GGTA1: variants seen among roughly 807,000 people sequenced by gnomAD.
GGTA1 encodes the protein glycoprotein alpha-galactosyltransferase 1 (inactive).
A neutral mutation model predicts 2.6 loss-of-function variants in GGTA1; 5 were observed. The observed-to-expected ratio is 1.92, with a 90% CI of 1.00 to 4.04. GGTA1 has a LOEUF of 4.04. GGTA1 is among the 30% of genes most tolerant of loss of function. GGTA1 has a pLI of 0.00. For synonymous variants in GGTA1, 17 were observed against 5.0 expected, an observed-to-expected ratio of 3.38 and a Z score of -3.19; for missense variants, 50 against 16.7, an observed-to-expected ratio of 2.99 and a Z score of -3.47.
chr9:121,475,798 G>C (rs545395861), intron 1 of GGTA1, among the ~76,000 whole-genome samples: 15 of 152,222 alleles, frequency 9.9e-5, no homozygotes, highest in African/African-American at 3.6e-4. Context: ...TAATTAACTG[G>C]GTATTACTGA....
At chr9:121,464,620 A>G (rs1426956185) in intron 2 of GGTA1, among the ~76,000 whole-genome samples, 1 of 59,388 alleles carries the variant, frequency 1.7e-5, no homozygotes, top group Admixed American at 1.4e-4. Context: ...AACAAAAACA[A>G]AAACAAAAAC....
At chr9:121,481,651 C>T (rs1024473259) in intron 1 of GGTA1, among the ~76,000 whole-genome samples, 11 of 134,346 alleles carry the variant, frequency 8.2e-5, no homozygotes, top group African/African-American at 3.1e-4. Context: ...CACTGCTCTC[C>T]AGCCTGGAGA....
chr9:121,452,598 A>T (rs953975410), downstream of GGTA1, among the ~76,000 whole-genome samples: 1 of 151,416 alleles, frequency 6.6e-6, no homozygotes, highest in East Asian at 1.9e-4. Context: ...GGCTCACTGT[A>T]GTCTCTGCCT....
intron 1 of GGTA1, among the ~76,000 whole-genome samples, chr9:121,487,564 G>C (rs1251253544): frequency 9.7e-6 from 1 of 103,254 alleles, no homozygotes; most frequent in African/African-American, 4.0e-5. Flanking sequence ...GACAGAGTGA[G>C]ACTCTGTCTC....
intron 1 of GGTA1, among the ~76,000 whole-genome samples, chr9:121,473,095 G>A (rs540538657): frequency 3.9e-5 from 6 of 151,996 alleles, no homozygotes; most frequent in East Asian, 1.9e-4. Flanking sequence ...TGAGGTGGGC[G>A]GATCACTTGA....
chr9:121,464,988 CAA>C (rs1325681219), intron 2 of GGTA1, among the ~76,000 whole-genome samples: 10 of 121,852 alleles, frequency 8.2e-5, no homozygotes, highest in African/African-American at 3.0e-4. Flanking sequence ...CGTAAAGTGG[CAA>C]AAAAACAAAA....
chr9:121,457,363 C>T (rs747505327), intron 5 of GGTA1, among the ~76,000 whole-genome samples: 4 of 152,152 alleles, frequency 2.6e-5, no homozygotes, highest in Admixed American at 6.5e-5. Context: ...TCTAATCTCA[C>T]TAATGGTACC....
At chr9:121,497,412 G>A (rs1044685406) in intron 1 of GGTA1, among the ~76,000 whole-genome samples, 3 of 152,106 alleles carry the variant, frequency 2.0e-5, no homozygotes, top group Admixed American at 6.5e-5. Context: ...GCCATCATGA[G>A]AGGTGATGTA....
intron 1 of GGTA1, among the ~76,000 whole-genome samples, chr9:121,492,605 C>G (rs1028798814): frequency 6.6e-6 from 1 of 152,118 alleles, no homozygotes; most frequent in Non-Finnish European, 1.5e-5. Flanking sequence ...TCCCTCATAG[C>G]TGGGATTACA....
chr9:121,451,959 A>T (rs1222974040), downstream of GGTA1: 2 of 152,150 alleles, frequency 1.3e-5, no homozygotes, highest in Non-Finnish European at 2.9e-5. Context: ...CTTACCTACT[A>T]TTATTTTGTT....
Position 121,460,159 on chromosome 9 carries a change from G to A in GGTA1, c.243C>T (p.Thr81=). 1 of 456,644 alleles carries A rather than the reference G, an allele frequency of 2.2e-6. No homozygotes were observed. Among genetic ancestry groups the A allele is most frequent in the Non-Finnish European group, 4.4e-6 (1 of 226,938 alleles). The allele number at this position is 456,644 out of a possible 1,614,324, so 28.3% of individuals were successfully genotyped here. A position where few individuals can be genotyped will look rare whatever the true frequency, so the allele number is the denominator to read the frequency against. The part of the protein sequence containing the change: ...DIDKEKGREE[T]KGRKMTQQSF... ...TCTGTTGTGTCATTTTCCTTCCTTT[G>A]GTCTCCTCTCTTCCTTTTTCTTTGT... The change falls in exon 5 of 6, where the codon ACC becomes ACT. Residue 81 remains threonine, a synonymous_variant. Coordinates refer to ENST00000481799, the MANE Select transcript of GGTA1 (RefSeq NM_001382585.1).
At chr9:121,482,937 C>T (rs12005613) in intron 1 of GGTA1, among the ~76,000 whole-genome samples, 3,323 of 151,806 alleles carry the variant, frequency 0.022, 123 homozygotes, top group African/African-American at 0.076. Context: ...GGTGACAGAG[C>T]GAGATTCTAT....
chr9:121,455,776 C>G lies in GGTA1; in HGVS notation c.*61G>C. 2.2e-6 allele frequency: 1 copy of G among 452,170 alleles called. No individual in the cohort carries two copies. Among genetic ancestry groups the G allele is most frequent in the Non-Finnish European group, 4.4e-6 (1 of 225,516 alleles). 28.0% of individuals were successfully genotyped at this position (452,170 alleles called of 1,614,324 possible). The stretch of plus-strand genomic sequence containing the variant: ...CTCCTTAACCGCATGATCTCTCAGT[C>G]CAGGTCTTCTAGAAGGACTGAGTCA... On this transcript the variant is annotated 3_prime_UTR_variant, in exon 6 of 6. Coordinates refer to ENST00000481799, the MANE Select transcript of GGTA1 (RefSeq NM_001382585.1).
chr9:121,448,376 G>T (rs1430013906), intron 7 of GGTA1, among the ~76,000 whole-genome samples: 1 of 152,154 alleles, frequency 6.6e-6, no homozygotes, highest in Non-Finnish European at 1.5e-5. Flanking sequence ...TACAGAGAAT[G>T]AGTTATGAGA....
Position 121,463,306 on chromosome 9 carries a change from TC to T in GGTA1, c.102del (p.Trp34Ter). 2.2e-6 allele frequency: 1 copy of T among 452,728 alleles called. No homozygotes were observed. Among genetic ancestry groups the T allele is most frequent in the Middle Eastern group, 3.3e-4 (1 of 3,062 alleles). 28.0% of individuals were successfully genotyped at this position (452,728 alleles called of 1,614,324 possible). On this transcript the variant is annotated frameshift_variant, in exon 3 of 6. Transcript: ENST00000481799. LOFTEE classifies it high-confidence loss of function. Reference protein sequence around the residue: ...FINSTEGSFLWIYHSKNPEVD... With the variant: ...FINSTEGSFLXIYHSKNPEVD... ...CAAAGCACTTACTTTGAGTGATATATCCACAAGAAAGAGCCTTCTGTGCTAA... is the reference window on the plus strand; with the variant it reads ...CAAAGCACTTACTTTGAGTGATATATCACAAGAAAGAGCCTTCTGTGCTAA...
In GGTA1 at chr9:121,463,337, A is replaced by G; in HGVS notation, c.81-9T>C. On this transcript the variant is annotated splice_polypyrimidine_tract_variant and intron_variant, in intron 2 of 5. Coordinates refer to ENST00000481799, the MANE Select transcript of GGTA1 (RefSeq NM_001382585.1). Reference sequence around the variant, plus strand: ...AGAAAGAGCCTTCTGTGCTAAAAGCAAAAAAGAAATAAAAACATATCATGT... The same window carrying G: ...AGAAAGAGCCTTCTGTGCTAAAAGCGAAAAAGAAATAAAAACATATCATGT... 2.2e-6 allele frequency: 1 copy of G among 451,924 alleles called. No individual in the cohort carries two copies. Among genetic ancestry groups the G allele is most frequent in the Non-Finnish European group, 4.4e-6 (1 of 225,546 alleles). 28.0% of individuals were successfully genotyped at this position (451,924 alleles called of 1,614,324 possible).
chr9:121,455,495 T>C lies in GGTA1; in HGVS notation c.*342A>G, dbSNP rs1455303219. ...TCTCTCATTTGATCTTCATGACCATTCTATGAAGTGGGTGTTATCATCATT... is the reference window on the plus strand; with the variant it reads ...TCTCTCATTTGATCTTCATGACCATCCTATGAAGTGGGTGTTATCATCATT... On this transcript the variant is annotated 3_prime_UTR_variant, in exon 6 of 6. Coordinates refer to ENST00000481799, the MANE Select transcript of GGTA1 (RefSeq NM_001382585.1). The C allele has an allele frequency of 1.3e-5, 2 of 155,906 alleles. No homozygotes were observed. The highest frequency in any genetic ancestry group is 2.9e-5 in the Non-Finnish European group (2 of 70,000). The allele number at this position is 155,906 out of a possible 1,614,324, so 9.7% of individuals were successfully genotyped here.
intron 1 of GGTA1, among the ~76,000 whole-genome samples, chr9:121,495,881 A>T (rs1828981586): frequency 6.6e-6 from 1 of 152,358 alleles, no homozygotes; most frequent in African/African-American, 2.4e-5. Context: ...TGCCTTTGAG[A>T]CATTCAAAAC....
intron 1 of GGTA1, among the ~76,000 whole-genome samples, chr9:121,490,942 G>T (rs1296825375): frequency 6.6e-6 from 1 of 152,122 alleles, no homozygotes; most frequent in East Asian, 1.9e-4. Flanking sequence ...GAATTTTCAT[G>T]CCCTGGAATG....
Sources: gnomAD v4.1 joint callset for allele counts (sites outside exome capture counted in the v4.1 genomes callset) on GRCh38, gnomAD v4.1.1 for gene constraint, MANE v1.5 for transcripts, NCBI Gene and HGNC (gene_info 2026-07-23, HGNC 2026-07-21) for gene names.